Variants in PRSS23 observed in about 807,000 individuals in gnomAD.
PRSS23 encodes the protein serine protease 23.
Under a neutral mutation model 34.7 loss-of-function variants are expected in PRSS23, and 25 were observed. The observed-to-expected ratio is 0.72, with a 90% confidence interval of 0.53 to 1.01. The LOEUF (loss-of-function observed/expected upper bound fraction) is 1.01, where lower values mean the gene tolerates loss of function less well. PRSS23 is among the 50% of genes least tolerant of loss of function. The pLI, the probability that PRSS23 is intolerant of heterozygous loss-of-function variation, is 0.00. For missense variants in PRSS23, 445 were observed against 475.6 expected (o/e 0.94, Z 0.60); for synonymous variants, 176 against 186.6 (o/e 0.94, Z 0.46).
chr11:86,846,867 T>C (rs1009249999), intron 2 of PRSS23, among the ~76,000 whole-genome samples: 1 of 152,134 alleles, frequency 6.6e-6, no homozygotes. Context: ...TAGTGTGTAG[T>C]CCCCCACATC....
chr11:86,899,760 C>T (rs1375270049), intron 2 of PRSS23, among the ~76,000 whole-genome samples: 1 of 151,900 alleles, frequency 6.6e-6, no homozygotes, highest in Admixed American at 6.6e-5. Flanking sequence ...TCGTGATCCA[C>T]CTGCCTCGGC....
chr11:86,797,584 GTT>G (rs1236170572), upstream of PRSS23, among the ~76,000 whole-genome samples: 1 of 152,136 alleles, frequency 6.6e-6, no homozygotes, highest in African/African-American at 2.4e-5. Context: ...CTGTGCCTCA[GTT>G]TTTCTCTCTG....
At chr11:86,921,972 A>C (rs1003443859) in intron 2 of PRSS23, 1 of 152,216 alleles carries the variant, frequency 6.6e-6, no homozygotes. Flanking sequence ...CTTGAGGCTG[A>C]CATCCATTTC....
In PRSS23 at chr11:86,823,220, A is replaced by T. The variant is rs1948266548; in HGVS notation, c.-11-157A>T. 5 of 606,138 alleles carry T rather than the reference A, an allele frequency of 8.2e-6. No individual in the cohort carries two copies. In the East Asian group the frequency reaches 1.4e-4, roughly 17 times the overall value. 37.5% of individuals were successfully genotyped at this position (606,138 alleles called of 1,614,324 possible). On this transcript the variant is annotated intron_variant, in intron 1 of 2. Coordinates refer to the PRSS23 transcript ENST00000533902. ...ATTCAGTTCCTATTTCTTTTACTTT[A>T]GTATTCCTAATCTGTAAAAGCATCA...
intron 2 of PRSS23, among the ~76,000 whole-genome samples, chr11:86,894,060 C>G (rs966715126): frequency 7.2e-5 from 11 of 152,222 alleles, no homozygotes; most frequent in Admixed American, 5.2e-4. Flanking sequence ...GTCGCCCAGG[C>G]TGGAGTGCAG....
downstream of PRSS23, among the ~76,000 whole-genome samples, chr11:86,815,675 C>A (rs1415686125): frequency 6.6e-5 from 10 of 152,202 alleles, no homozygotes; most frequent in Admixed American, 6.5e-4. Flanking sequence ...GAGTTCTGTT[C>A]TTCTGTGTCT....
rs149349256 is a variant in PRSS23 at position 86,894,052 on chromosome 11, C to T, written c.207-57164C>T. Among the ~76,000 whole-genome samples, 641 of 152,282 alleles carry T rather than the reference C, an allele frequency of 4.2e-3. 3 individuals are homozygous for T. Among genetic ancestry groups the T allele is most frequent in the African/African-American group, 0.014 (600 of 41,554 alleles). On this transcript the variant is annotated intron_variant, in intron 2 of 2. Transcript: ENST00000533902. ...TTTTTGAGATGGAATCTCACTCTGT[C>T]GCCCAGGCTGGAGTGCAGTGGCACA...
At chr11:86,865,616 T>C (rs1346065224) in intron 2 of PRSS23, among the ~76,000 whole-genome samples, 1 of 152,194 alleles carries the variant, frequency 6.6e-6, no homozygotes, top group East Asian at 1.9e-4. Context: ...ATAGCTGGGT[T>C]CTGTTTGATC....
At chr11:86,841,868 T>C (rs1390346419) in intron 2 of PRSS23, among the ~76,000 whole-genome samples, 1 of 152,210 alleles carries the variant, frequency 6.6e-6, no homozygotes, top group Non-Finnish European at 1.5e-5. Flanking sequence ...GAGGAACTGG[T>C]ACCATTCCTT....
intron 2 of PRSS23, among the ~76,000 whole-genome samples, chr11:86,869,583 T>C (rs1346574795): frequency 6.6e-6 from 1 of 151,356 alleles, no homozygotes; most frequent in Non-Finnish European, 1.5e-5. Context: ...TTTGGGGAAA[T>C]GGGAAGAGGA....
At chr11:86,801,761 G>A (rs533483101) in intron 1 of PRSS23, among the ~76,000 whole-genome samples, 4 of 152,328 alleles carry the variant, frequency 2.6e-5, no homozygotes, top group Admixed American at 2.6e-4. Context: ...TCTGTCAGGA[G>A]TGGATTGGAG....
At chr11:86,830,325 G>GT (rs1425762970) in intron 2 of PRSS23, among the ~76,000 whole-genome samples, 1 of 152,172 alleles carries the variant, frequency 6.6e-6, no homozygotes, top group African/African-American at 2.4e-5. Flanking sequence ...CTTGTGCATC[G>GT]TTTTTTAAGC....
chr11:86,833,867 T>C (rs1172025814), intron 2 of PRSS23, among the ~76,000 whole-genome samples: 1 of 152,090 alleles, frequency 6.6e-6, no homozygotes, highest in Non-Finnish European at 1.5e-5. Context: ...GACTGACCAC[T>C]CTAACTGCTT....
In PRSS23 at chr11:86,822,392, G is replaced by A. The variant is rs372898473; in HGVS notation, c.-11-985G>A. On this transcript the variant is annotated intron_variant, in intron 1 of 2. Transcript: ENST00000533902. ...TACCAACACTTTGGGAGGCTGAGGC[G>A]GGAGAATGGCTTGAGCTCAGGAGTT... 3.4e-4 allele frequency among the ~76,000 whole-genome samples: 51 copies of A among 152,200 alleles called. 1 individual carries two copies. The highest frequency in any genetic ancestry group is 9.2e-4 in the African/African-American group (38 of 41,514).
chr11:86,877,827 T>C (rs1219608791), intron 2 of PRSS23, among the ~76,000 whole-genome samples: 2 of 148,064 alleles, frequency 1.4e-5, no homozygotes, highest in Non-Finnish European at 3.0e-5. Flanking sequence ...CAATTCCATA[T>C]GAATTTTAGG....
chr11:86,888,156 T>A (rs1476013410), intron 2 of PRSS23, among the ~76,000 whole-genome samples: 1 of 146,490 alleles, frequency 6.8e-6, no homozygotes, highest in Non-Finnish European at 1.5e-5. Flanking sequence ...AGCTGCCACA[T>A]AAGGCATGGT....
rs760286409 is a variant in PRSS23 at position 86,951,360 on chromosome 11, G to A, written c.*75G>A. On this transcript the variant is annotated 3_prime_UTR_variant, in exon 3 of 3. Transcript: ENST00000533902. ...ATGTTGGAATCATCTGCAGAATACCGAAAAAGTGCCCAGTTGGAGATTTCA... is the reference window on the plus strand; with the variant it reads ...ATGTTGGAATCATCTGCAGAATACCAAAAAAGTGCCCAGTTGGAGATTTCA... 20 of 1,613,696 alleles carry A rather than the reference G, an allele frequency of 1.2e-5. No homozygotes were observed. The East Asian group carries it at 1.8e-4, about 14-fold the overall frequency.
intron 2 of PRSS23, among the ~76,000 whole-genome samples, chr11:86,873,524 C>T (rs929171968): frequency 3.3e-5 from 5 of 151,926 alleles, no homozygotes; most frequent in Admixed American, 2.6e-4. Context: ...CTCAAGCGAT[C>T]CTCCCACCTC....
chr11:86,837,973 G>C (rs958909748), intron 2 of PRSS23, among the ~76,000 whole-genome samples: 1 of 152,228 alleles, frequency 6.6e-6, no homozygotes, highest in South Asian at 2.1e-4. Flanking sequence ...CTGAAGTAGG[G>C]CAGGGTGTCA....
Sources: allele counts gnomAD v4.1 joint callset (sites outside exome capture counted in the v4.1 genomes callset), GRCh38; gene constraint gnomAD v4.1.1; transcripts MANE v1.5; gene names NCBI Gene and HGNC (gene_info 2026-07-23, HGNC 2026-07-21).